CYYR1: variants seen among roughly 807,000 people sequenced by gnomAD.
The protein encoded by CYYR1 is cysteine and tyrosine-rich protein 1.
Under a neutral mutation model 15.2 loss-of-function variants are expected in CYYR1, and 14 were observed. That is an observed-to-expected ratio of 0.92 (90% confidence interval 0.61 to 1.44). CYYR1 has a LOEUF of 1.44. Among genes scored for constraint, CYYR1 ranks in the 40% most tolerant of loss-of-function variants. CYYR1 has a pLI of 0.00. For missense variants in CYYR1, 228 were observed against 209.5 expected (o/e 1.09, Z -0.54); for synonymous variants, 80 against 77.4 (o/e 1.03, Z -0.18).
chr21:26,544,514 A>C (rs1290804186), intron 2 of CYYR1, among the ~76,000 whole-genome samples: 1 of 152,228 alleles, frequency 6.6e-6, no homozygotes, highest in African/African-American at 2.4e-5. Context: ...TATTAGCTAA[A>C]TGTCTACCAT....
intron 1 of CYYR1, chr21:26,568,085 A>T (rs1408922824): frequency 6.6e-6 from 1 of 152,262 alleles, no homozygotes; most frequent in Non-Finnish European, 1.5e-5. Context: ...ACAGAAACAA[A>T]ATCTAACGAT....
At position 26,499,701 on chromosome 21, in the gene CYYR1, G is replaced by T. The variant is rs183324910; in HGVS notation, c.177-19272C>A. ...CAGGAGGTTATGTTTGTGAAAGGCT[G>T]CTGGGTCTGATTGCACATGAAATGC... On this transcript the variant is annotated intron_variant, in intron 2 of 3. Coordinates refer to ENST00000652641, the MANE Select transcript of CYYR1 (RefSeq NM_001320768.2). Among the ~76,000 whole-genome samples the T allele has an allele frequency of 6.6e-5, 10 of 152,306 alleles. No homozygotes were observed. In the East Asian group the frequency reaches 1.9e-3, roughly 29 times the overall value.
At chr21:26,482,006 C>T (rs2065188004) in intron 2 of CYYR1, among the ~76,000 whole-genome samples, 1 of 151,996 alleles carries the variant, frequency 6.6e-6, no homozygotes, top group African/African-American at 2.4e-5. Flanking sequence ...AAAGCAACCA[C>T]TTCAACCCTT....
rs114048191 is a variant in CYYR1 at position 26,497,598 on chromosome 21, G to A, written c.177-17169C>T. On this transcript the variant is annotated intron_variant, in intron 2 of 3. Coordinates refer to ENST00000652641, the MANE Select transcript of CYYR1 (RefSeq NM_001320768.2). ...TAAGGGAAGTTCCAGTAGCACATGG[G>A]GCTAAGAAATATAATTTGCTCTTTT... Among the ~76,000 whole-genome samples, 1,373 of 152,154 alleles carry A rather than the reference G, an allele frequency of 9.0e-3. 21 individuals carry two copies. Among genetic ancestry groups the A allele is most frequent in the African/African-American group, 0.03 (1,256 of 41,518 alleles).
intron 2 of CYYR1, among the ~76,000 whole-genome samples, chr21:26,558,632 T>C (rs1004068172): frequency 2.0e-5 from 3 of 152,224 alleles, no homozygotes; most frequent in Non-Finnish European, 4.4e-5. Context: ...CTGAAATTCA[T>C]TGGTACTCTT....
chr21:26,492,892 A>G (rs761034409), intron 2 of CYYR1, among the ~76,000 whole-genome samples: 1 of 152,154 alleles, frequency 6.6e-6, no homozygotes, highest in Non-Finnish European at 1.5e-5. Context: ...GTTCTATGAG[A>G]TCAGAGAGGA....
At chr21:26,488,585 G>GTGTTT (rs939292110) in intron 2 of CYYR1, among the ~76,000 whole-genome samples, 5 of 152,026 alleles carry the variant, frequency 3.3e-5, no homozygotes, top group East Asian at 1.9e-4. Context: ...CTTAAAGCTA[G>GTGTTT]TGTTTTGTTT....
chr21:26,480,146 G>A (rs1229766328), intron 3 of CYYR1, 126 bp downstream of exon 3: 1 of 948,012 alleles, frequency 1.1e-6, no homozygotes. Flanking sequence ...CAATCTACAT[G>A]TACCTAGAAA....
At chr21:26,468,660 C>T (rs2064997590) in intron 3 of CYYR1, 26 bp from the exon 4 acceptor site, 1 of 1,523,778 alleles carries the variant, frequency 6.6e-7, no homozygotes, top group African/African-American at 1.4e-5. Flanking sequence ...AAGAGAACAT[C>T]AAGGAGTTAG....
rs557381332 is a variant in CYYR1, at chr21:26,544,652, C to T, written c.176+21614G>A. On this transcript the variant is annotated intron_variant, in intron 2 of 3. Coordinates refer to ENST00000652641, the MANE Select transcript of CYYR1 (RefSeq NM_001320768.2). ...CTGGTGACCCTGAAGAAACACGGATCGATGATAATGTCAGAGGAAAGAGAA... is the reference window on the plus strand; with the variant it reads ...CTGGTGACCCTGAAGAAACACGGATTGATGATAATGTCAGAGGAAAGAGAA... Among the ~76,000 whole-genome samples the T allele has an allele frequency of 5.9e-5, 9 of 151,790 alleles. No individual in the cohort carries two copies. In the South Asian group the frequency reaches 1.5e-3, roughly 25 times the overall value.
At chr21:26,513,421 C>G (rs114748290) in intron 2 of CYYR1, among the ~76,000 whole-genome samples, 156 of 152,308 alleles carry the variant, frequency 1.0e-3, no homozygotes, top group African/African-American at 3.6e-3. Flanking sequence ...CACACAGTCA[C>G]TTCCTTAGTT....
intron 1 of CYYR1, 136 bp downstream of exon 1, chr21:26,572,732 G>T: frequency 9.2e-7 from 1 of 1,085,242 alleles, no homozygotes; most frequent in Non-Finnish European, 1.3e-6. Context: ...CCGTCGCCTC[G>T]CGGAAAAGGC....
chr21:26,539,319 G>A (rs778162485), intron 2 of CYYR1, among the ~76,000 whole-genome samples: 7 of 152,018 alleles, frequency 4.6e-5, no homozygotes, highest in Non-Finnish European at 7.4e-5. Context: ...AGCCAAGCAG[G>A]GGACAAATCT....
rs1455307645 is a variant in CYYR1 at position 26,466,754 on chromosome 21, T to C, written c.*1747A>G. The C allele has an allele frequency of 6.6e-6, 1 of 152,154 alleles. No homozygotes were observed. Among genetic ancestry groups the C allele is most frequent in the Non-Finnish European group, 1.5e-5 (1 of 68,030 alleles). The allele number at this position is 152,154 out of a possible 1,614,324, so 9.4% of individuals were successfully genotyped here. ...CGCAGAAGAAAAATAAATTAAAGCA[T>C]ATGTACTATTAAAATTGCACTGAAA... On this transcript the variant is annotated 3_prime_UTR_variant, in exon 4 of 4. Transcript: ENST00000652641.
At chr21:26,515,343 C>CTCTTTT (rs1251205369) in intron 2 of CYYR1, among the ~76,000 whole-genome samples, 4 of 152,232 alleles carry the variant, frequency 2.6e-5, no homozygotes, top group East Asian at 1.9e-4. Flanking sequence ...CCACCCTGAT[C>CTCTTTT]TCTTTTTCTT....
Position 26,542,290 on chromosome 21 carries a change from C to CGTGTGTGTGT in CYYR1, c.176+23966_176+23975dup, listed in dbSNP as rs55725152. On this transcript the variant is annotated intron_variant, in intron 2 of 3. Transcript: ENST00000652641. Reference sequence around the variant, plus strand: ...GAGAGAGAGAATATGTGTGTGTGTGCGTGTGTGTGTGTGTGTGTGTGTGTG... The same window carrying CGTGTGTGTGT: ...GAGAGAGAGAATATGTGTGTGTGTGCGTGTGTGTGTGTGTGTGTGTGTGTGTGTGTGTGTG... Among the ~76,000 whole-genome samples the CGTGTGTGTGT allele has an allele frequency of 6.3e-3, 801 of 128,154 alleles. 3 individuals carry two copies. The highest frequency in any genetic ancestry group is 0.017 in the African/African-American group (581 of 33,406). The allele number at this position is 128,154 out of a possible 152,430, so 84.1% of individuals were successfully genotyped here. A position where few individuals can be genotyped will look rare whatever the true frequency, so the allele number is the denominator to read the frequency against.
At chr21:26,530,254 A>G (rs1306710112) in intron 2 of CYYR1, among the ~76,000 whole-genome samples, 1 of 152,046 alleles carries the variant, frequency 6.6e-6, no homozygotes, top group Non-Finnish European at 1.5e-5. Context: ...ATTATTTTTT[A>G]TTCATAAATA....
intron 2 of CYYR1, among the ~76,000 whole-genome samples, chr21:26,518,762 C>G (rs115009514): frequency 0.041 from 6,200 of 152,262 alleles, 141 homozygotes; most frequent in Middle Eastern, 0.044. Flanking sequence ...CCTTCTGACA[C>G]TTAACAAATG....
chr21:26,496,015 C>A (rs1360959592), intron 2 of CYYR1, among the ~76,000 whole-genome samples: 4 of 152,114 alleles, frequency 2.6e-5, no homozygotes, highest in African/African-American at 9.7e-5. Flanking sequence ...AGGGCCAAAC[C>A]CATTTTGTCT....
Sources: gnomAD v4.1 joint callset for allele counts (sites outside exome capture counted in the v4.1 genomes callset) on GRCh38, gnomAD v4.1.1 for gene constraint, MANE v1.5 for transcripts, NCBI Gene and HGNC (gene_info 2026-07-23, HGNC 2026-07-21) for gene names.